The following ATXN1 variants were observed in gnomAD, a reference collection of about 807,000 sequenced individuals.
The protein encoded by ATXN1 is ataxin 1.
Under a neutral mutation model 56.4 loss-of-function variants are expected in ATXN1, and 8 were observed. That is an observed-to-expected ratio of 0.14 (90% CI 0.08 to 0.26). The LOEUF (loss-of-function observed/expected upper bound fraction) is 0.26. ATXN1 is among the 10% of genes least tolerant of loss of function. ATXN1 has a pLI of 1.00. For synonymous variants in ATXN1, 514 were observed against 494.6 expected (o/e 1.04, Z -0.52); for missense variants, 987 against 1,106.5 (o/e 0.89, Z 1.53).
In ATXN1 at chr6:16,644,763, C is replaced by T. The variant is rs577938338; in HGVS notation, c.-489+13013G>A. 2.6e-5 allele frequency among the ~76,000 whole-genome samples: 4 copies of T among 152,172 alleles called. No individual in the cohort carries two copies. The South Asian group carries it at 8.3e-4, about 32-fold the overall frequency. ...GGAAGGGATGATACTGACGTGGCCA[C>T]TCACCAGGAAAGTAGAGGTCACCAT... On this transcript the variant is annotated intron_variant, in intron 3 of 7. Transcript: ENST00000436367.
intron 6 of ATXN1, among the ~76,000 whole-genome samples, chr6:16,357,815 G>C (rs1761722591): frequency 6.6e-6 from 1 of 152,178 alleles, no homozygotes; most frequent in South Asian, 2.1e-4. Context: ...TCTCAGGTGG[G>C]AATAGGAAAG....
chr6:16,642,852 G>GTTTA (rs1763729703), intron 3 of ATXN1, among the ~76,000 whole-genome samples: 1 of 152,162 alleles, frequency 6.6e-6, no homozygotes, highest in African/African-American at 2.4e-5. Context: ...AAATGTTATT[G>GTTTA]GATAATTAAT....
At chr6:16,663,257 C>G (rs1488381196) in intron 2 of ATXN1, among the ~76,000 whole-genome samples, 4 of 152,220 alleles carry the variant, frequency 2.6e-5, no homozygotes, top group Non-Finnish European at 5.9e-5. Flanking sequence ...GCAGGAGCCA[C>G]CGTGCCCGGC....
rs111459676 is a variant in ATXN1, at chr6:16,593,481, A to G, written c.-488-7574T>C. Among the ~76,000 whole-genome samples the G allele has an allele frequency of 2.0e-3, 305 of 152,352 alleles. 1 individual carries two copies. The highest frequency in any genetic ancestry group is 0.01 in the Middle Eastern group (3 of 294). On this transcript the variant is annotated intron_variant, in intron 3 of 7. Coordinates refer to ENST00000436367, the MANE Select transcript of ATXN1 (RefSeq NM_001128164.2). ...TGTACGTAACCTGTGAAGCATAAGA[A>G]TAAAATGAACAGGCATACACCGACC...
At chr6:16,344,003 C>T (rs1210964692) in intron 6 of ATXN1, among the ~76,000 whole-genome samples, 1 of 152,180 alleles carries the variant, frequency 6.6e-6, no homozygotes, top group Non-Finnish European at 1.5e-5. Context: ...TATACTCGAG[C>T]GTGCGCATCA....
chr6:16,357,131 T>C (rs1327267876), intron 6 of ATXN1, among the ~76,000 whole-genome samples: 1 of 152,218 alleles, frequency 6.6e-6, no homozygotes, highest in East Asian at 1.9e-4. Flanking sequence ...ATTCCATTTA[T>C]AAAATGCAGC....
intron 4 of ATXN1, among the ~76,000 whole-genome samples, chr6:16,538,803 A>G (rs1274172864): frequency 6.6e-6 from 1 of 152,142 alleles, no homozygotes; most frequent in Non-Finnish European, 1.5e-5. Flanking sequence ...CTCTCGCCTC[A>G]GCCTCCCAAG....
chr6:16,526,064 T>TATATATATATATATACAC (rs370698828), intron 4 of ATXN1, among the ~76,000 whole-genome samples: 5,512 of 132,410 alleles, frequency 0.042, 218 homozygotes, highest in African/African-American at 0.087. Flanking sequence ...TATATATATA[T>TATATATATATATATACAC]ACATACATAC....
intron 6 of ATXN1, among the ~76,000 whole-genome samples, chr6:16,389,767 C>T (rs183386193): frequency 6.6e-6 from 1 of 152,228 alleles, no homozygotes; most frequent in Non-Finnish European, 1.5e-5. Flanking sequence ...GCACTGCAAT[C>T]GTTCTATTTC....
Position 16,395,270 on chromosome 6 carries a change from C to CAAAAAAAAAAAAAA in ATXN1, c.-160-66814_-160-66801dup, listed in dbSNP as rs748314030. Among the ~76,000 whole-genome samples, 307 of 48,366 alleles carry CAAAAAAAAAAAAAA rather than the reference C, an allele frequency of 6.3e-3. 6 individuals are homozygous for CAAAAAAAAAAAAAA. The highest frequency in any genetic ancestry group is 0.01 in the Non-Finnish European group (254 of 25,266). The allele number at this position is 48,366 out of a possible 152,430, so 31.7% of individuals were successfully genotyped here. On this transcript the variant is annotated intron_variant, in intron 6 of 7. Coordinates refer to ENST00000436367, the MANE Select transcript of ATXN1 (RefSeq NM_001128164.2). Reference sequence around the variant, plus strand: ...GGCCAACAAGAGCGAAACTCCGTCTCAAAAAAAAAAAAAAAAAAAAACAAG... The same window carrying CAAAAAAAAAAAAAA: ...GGCCAACAAGAGCGAAACTCCGTCTCAAAAAAAAAAAAAAAAAAAAAAAAAAAAAAAAAAACAAG...
At chr6:16,703,778 G>C (rs1391452627) in intron 2 of ATXN1, among the ~76,000 whole-genome samples, 5 of 152,230 alleles carry the variant, frequency 3.3e-5, no homozygotes, top group African/African-American at 1.2e-4. Context: ...CCGGCACTTT[G>C]GGAGGCCGAG....
At chr6:16,543,632 TAAAAAAAA>T (rs566914364) in intron 4 of ATXN1, among the ~76,000 whole-genome samples, 1 of 106,404 alleles carries the variant, frequency 9.4e-6, no homozygotes, top group Non-Finnish European at 1.9e-5. Context: ...GCTATTTTCC[TAAAAAAAA>T]AAAAAAAAAA....
chr6:16,434,255 T>C (rs1167419685), intron 6 of ATXN1, among the ~76,000 whole-genome samples: 1 of 152,168 alleles, frequency 6.6e-6, no homozygotes, highest in Non-Finnish European at 1.5e-5. Flanking sequence ...TCCTCCACTA[T>C]TAAAGAAAAG....
intron 2 of ATXN1, among the ~76,000 whole-genome samples, chr6:16,720,450 G>A (rs995965552): frequency 3.9e-5 from 6 of 152,124 alleles, no homozygotes; most frequent in African/African-American, 1.4e-4. Context: ...CATGTCTGGT[G>A]CAGAAAAGAC....
intron 2 of ATXN1, among the ~76,000 whole-genome samples, chr6:16,663,221 G>C (rs145572815): frequency 0.036 from 5,534 of 151,942 alleles, 243 homozygotes; most frequent in African/African-American, 0.1. Flanking sequence ...CACCCACCTC[G>C]GCCTCCCGAA....
chr6:16,473,304 C>A (rs528874947), intron 6 of ATXN1, among the ~76,000 whole-genome samples: 4 of 152,294 alleles, frequency 2.6e-5, no homozygotes, highest in African/African-American at 9.6e-5. Flanking sequence ...ACAAACTGGT[C>A]CCCAAACGTA....
intron 2 of ATXN1, among the ~76,000 whole-genome samples, chr6:16,730,181 G>C (rs995965880): frequency 2.0e-5 from 3 of 152,082 alleles, no homozygotes; most frequent in African/African-American, 4.8e-5. Flanking sequence ...CAGGAGGCTG[G>C]GGCAGGAGAA....
At chr6:16,687,610 CTA>C (rs1313738025) in intron 2 of ATXN1, among the ~76,000 whole-genome samples, 2 of 150,256 alleles carry the variant, frequency 1.3e-5, no homozygotes, top group African/African-American at 4.9e-5. Flanking sequence ...GACAGTGACA[CTA>C]TGAATCAGCA....
intron 4 of ATXN1, among the ~76,000 whole-genome samples, chr6:16,528,430 G>A (rs946319095): frequency 5.3e-5 from 8 of 152,196 alleles, no homozygotes; most frequent in African/African-American, 1.7e-4. Flanking sequence ...AAAACCATGC[G>A]GTTTAGATTT....
Sources: gnomAD v4.1 joint callset for allele counts (sites outside exome capture counted in the v4.1 genomes callset) on GRCh38, gnomAD v4.1.1 for gene constraint, MANE v1.5 for transcripts, NCBI Gene and HGNC (gene_info 2026-07-23, HGNC 2026-07-21) for gene names.